The following ANKMY1 variants were observed in gnomAD, a reference collection of about 807,000 sequenced individuals.
The protein encoded by ANKMY1 is ankyrin repeat and MYND domain containing 1, also known as ankyrin repeat and MYND domain-containing protein 1.
A neutral mutation model predicts 102.0 loss-of-function variants in ANKMY1; 98 were observed. That is an observed-to-expected ratio of 0.96 (90% CI 0.82 to 1.14). The LOEUF is 1.14. ANKMY1 is among the 50% of genes most tolerant of loss of function. ANKMY1 has a pLI of 0.00. For synonymous variants in ANKMY1, 582 were observed against 559.9 expected (o/e 1.04, Z -0.56); for missense variants, 1,330 against 1,347.6 (o/e 0.99, Z 0.20).
intron 4 of ANKMY1, chr2:240,532,171 A>G (rs1195620746): frequency 1.1e-5 from 5 of 454,778 alleles, no homozygotes; most frequent in Admixed American, 7.6e-5. Flanking sequence ...ACCTCAAAGC[A>G]GCCAAAGAAG....
At position 240,507,820 on chromosome 2, in the gene ANKMY1, C is replaced by T. The variant is rs184571467; in HGVS notation, c.2395-129G>A. 267 of 1,173,864 alleles carry T rather than the reference C, an allele frequency of 2.3e-4. 1 individual carries two copies. In the African/African-American group the frequency reaches 3.9e-3, roughly 17 times the overall value. 72.7% of individuals were successfully genotyped at this position (1,173,864 alleles called of 1,614,324 possible). A position where few individuals can be genotyped will look rare whatever the true frequency, so the allele number is the denominator to read the frequency against. On this transcript the variant is annotated intron_variant, in intron 12 of 17. Coordinates refer to ENST00000401804, the MANE Select transcript of ANKMY1 (RefSeq NM_001282771.3). The stretch of plus-strand genomic sequence containing the variant: ...GGGGCTTCACGGAGGCCACCGCTGG[C>T]CCTTCCCACGGATCCTACCCACAGT...
At position 240,524,183 on chromosome 2, in the gene ANKMY1, AC is replaced by A; in HGVS notation, c.1533del (p.Ser512ProfsTer2). 6.2e-7 allele frequency: 1 copy of A among 1,613,330 alleles called. No individual in the cohort carries two copies. ...AGAGAGCTGCTCCTGTGGTCTATGGACCCCCCACACTGCCCGGTGTCCTGGA... is the reference window on the plus strand; with the variant it reads ...AGAGAGCTGCTCCTGTGGTCTATGGACCCCCACACTGCCCGGTGTCCTGGA... ...GHFQDTGQCG[G>X]SIDHRSSSLK... On this transcript the variant is annotated frameshift_variant, in exon 8 of 18. Coordinates refer to ENST00000401804, the MANE Select transcript of ANKMY1 (RefSeq NM_001282771.3). LOFTEE classifies it high-confidence loss of function.
chr2:240,471,998 C>T, the ANKMY1 span, among the ~76,000 whole-genome samples: 1 of 152,096 alleles, frequency 6.6e-6, no homozygotes, highest in African/African-American at 2.4e-5. Flanking sequence ...CCCGAAATAG[C>T]CCTGTAAGTC....
Position 240,499,992 on chromosome 2 carries a change from C to T in ANKMY1, c.2772G>A (p.Gln924=), listed in dbSNP as rs183074086. 13 of 1,612,988 alleles carry T rather than the reference C, an allele frequency of 8.1e-6. No individual in the cohort carries two copies. The Admixed American group carries it at 1.8e-4, about 23-fold the overall frequency. The change falls in exon 15 of 18, where the codon CAG becomes CAA. Residue 924 remains glutamine (Q), a synonymous_variant. Coordinates refer to ENST00000401804, the MANE Select transcript of ANKMY1 (RefSeq NM_001282771.3). The surrounding 1 kb of genome is among the most constrained non-coding windows in gnomAD (Gnocchi z 4.2). ...LRQAVFAKES[Q]WDPTWLYLCK... is the part of the protein sequence containing the mutation. ...ACAGGTACAGCCACGTGGGGTCCCA[C>T]TGGCTCTCCTTGGCAAAGACAGCCT...
At chr2:240,501,464 G>A (rs1184385251) in intron 13 of ANKMY1, among the ~76,000 whole-genome samples, 1 of 152,152 alleles carries the variant, frequency 6.6e-6, no homozygotes, top group Admixed American at 6.5e-5. Context: ...TTCTATCAGG[G>A]GGCCTGGCAG....
intron 9 of ANKMY1, 106 bp from the exon 10 acceptor site, chr2:240,513,048 G>A: frequency 6.9e-7 from 1 of 1,447,468 alleles, no homozygotes. Flanking sequence ...AGACTCCAAG[G>A]GCACCATTCT....
At chr2:240,545,890 T>C (rs1474718808) in intron 4 of ANKMY1, among the ~76,000 whole-genome samples, 1 of 152,258 alleles carries the variant, frequency 6.6e-6, no homozygotes, top group African/African-American at 2.4e-5. Context: ...CTGATTGGTA[T>C]ACCTGAAAGT....
intron 12 of ANKMY1, among the ~76,000 whole-genome samples, chr2:240,508,641 C>T (rs767909995): frequency 2.0e-5 from 3 of 152,208 alleles, no homozygotes; most frequent in Non-Finnish European, 2.9e-5. Context: ...CCTGGCTCCT[C>T]CAACGAGAAT....
intron 4 of ANKMY1, among the ~76,000 whole-genome samples, chr2:240,532,726 T>C (rs572398050): frequency 6.6e-6 from 1 of 152,294 alleles, no homozygotes; most frequent in South Asian, 2.1e-4. Flanking sequence ...ATCACCACCA[T>C]GAAGGCCACA....
At chr2:240,552,790 A>G (rs1425894931) in intron 4 of ANKMY1, 124 bp downstream of exon 4, 13 of 1,464,650 alleles carry the variant, frequency 8.9e-6, no homozygotes, top group African/African-American at 1.4e-5. Flanking sequence ...TTAATCATTA[A>G]AAGTAAAAAA....
chr2:240,471,405 T>C, the ANKMY1 span, among the ~76,000 whole-genome samples: 1 of 150,646 alleles, frequency 6.6e-6, no homozygotes, highest in Admixed American at 6.6e-5. Context: ...ATTACAAGAT[T>C]CTTTAAAATT....
Position 240,506,037 on chromosome 2 carries a change from G to C in ANKMY1, c.2526+1523C>G, listed in dbSNP as rs951225379. 3.3e-5 allele frequency among the ~76,000 whole-genome samples: 5 copies of C among 152,260 alleles called. No homozygotes were observed. The highest frequency in any genetic ancestry group is 1.2e-4 in the African/African-American group (5 of 41,558). On this transcript the variant is annotated intron_variant, in intron 13 of 17. Coordinates refer to ENST00000401804, the MANE Select transcript of ANKMY1 (RefSeq NM_001282771.3). This position sits in a 1 kb window ranked among gnomAD's most constrained non-coding sequence, Gnocchi z 4.9. ...TTCCCTAACCCCGGATGAGGCACCG[G>C]GGAGCCTCCTAACCCCGGACAAGAT...
chr2:240,557,373 G>A (rs1038552428), intron 1 of ANKMY1, 21 bp from the exon 2 acceptor site: 6 of 1,448,544 alleles, frequency 4.1e-6, no homozygotes, highest in Non-Finnish European at 5.5e-6. Context: ...CGTCAGGACC[G>A]CACATGTGCC....
In ANKMY1 at chr2:240,500,539, G is replaced by A. The variant is rs140796181; in HGVS notation, c.2553C>T (p.Ala851=). ...ALIDRLISHG[A]DILKPVMLRQ... is the part of the protein sequence containing the mutation. ...TGAGCATTACAGGCTTCAGGATGTC[G>A]GCCCCGTGACTGATGAGTCGGTCAA... is the stretch of plus-strand genomic sequence containing the variant. The change falls in exon 14 of 18, where the codon GCC becomes GCT. Residue 851 remains alanine (A), a synonymous_variant. Transcript: ENST00000401804. 7.9e-4 allele frequency: 1,273 copies of A among 1,614,090 alleles called. 12 individuals carry two copies. The African/African-American group carries it at 0.012, about 15-fold the overall frequency.
chr2:240,482,381 G>A (rs2075514563), intron 15 of ANKMY1, 120 bp from the exon 16 acceptor site: 2 of 849,104 alleles, frequency 2.4e-6, no homozygotes, highest in Admixed American at 3.1e-5. Context: ...AGGCGGATAG[G>A]GGGAAGCAAG....
intron 8 of ANKMY1, chr2:240,522,033 A>T (rs542632059): frequency 6.6e-6 from 1 of 152,314 alleles, no homozygotes; most frequent in East Asian, 1.9e-4. Flanking sequence ...GCTGGTGGGG[A>T]GCCTGGCGGT....
rs1431802997 is a variant in ANKMY1, at chr2:240,506,231, C to T, written c.2526+1329G>A. Among the ~76,000 whole-genome samples the T allele has an allele frequency of 6.6e-6, 1 of 152,220 alleles. No homozygotes were observed. The highest frequency in any genetic ancestry group is 2.4e-5 in the African/African-American group (1 of 41,454). On this transcript the variant is annotated intron_variant, in intron 13 of 17. Coordinates refer to ENST00000401804, the MANE Select transcript of ANKMY1 (RefSeq NM_001282771.3). This position sits in a 1 kb window ranked among gnomAD's most constrained non-coding sequence, Gnocchi z 4.9. ...CAGCGTCCACACACAACAACGCTGCCCCCTGAGCTGCCTCTCCCGTCTCGC... is the reference window on the plus strand; with the variant it reads ...CAGCGTCCACACACAACAACGCTGCTCCCTGAGCTGCCTCTCCCGTCTCGC...
At position 240,509,372 on chromosome 2, in the gene ANKMY1, C is replaced by T; in HGVS notation, c.2370G>A (p.Leu790=). The stretch of plus-strand genomic sequence containing the variant: ...CCAGCTCATTCCCACTGGCAATGGA[C>T]AGGGAGAGCGGGGAGTGGCCACTCC... ...LLWSGHSPLS[L]SIASGNELVV... is the part of the protein sequence containing the mutation. Residue 790 remains leucine (L), a synonymous_variant, in exon 12 of 18, where the codon CTG becomes CTA. Transcript: ENST00000401804. The T allele has an allele frequency of 6.2e-7, 1 of 1,613,504 alleles. No individual in the cohort carries two copies. The highest frequency in any genetic ancestry group is 8.5e-7 in the Non-Finnish European group (1 of 1,179,722).
chr2:240,557,947 G>GCCCGCGCTCCCGT lies in ANKMY1; in HGVS notation c.-97_-85dup. 2 of 985,618 alleles carry GCCCGCGCTCCCGT rather than the reference G, an allele frequency of 2.0e-6. No individual in the cohort carries two copies. The highest frequency in any genetic ancestry group is 2.4e-6 in the Non-Finnish European group (2 of 830,066). The allele number at this position is 985,618 out of a possible 1,614,324, so 61.1% of individuals were successfully genotyped here. On this transcript the variant is annotated 5_prime_UTR_variant, in exon 1 of 18. Coordinates refer to ENST00000401804, the MANE Select transcript of ANKMY1 (RefSeq NM_001282771.3). ...CGACGGGACTGCAGCCACCGCGGAC[G>GCCCGCGCTCCCGT]CCCGCGCTCCCGTCCCGACTGCTTG...
Sources: allele counts gnomAD v4.1 joint callset (sites outside exome capture counted in the v4.1 genomes callset), GRCh38; gene constraint gnomAD v4.1.1; non-coding constraint Gnocchi (gnomAD v3.1); transcripts MANE v1.5; gene names NCBI Gene and HGNC (gene_info 2026-07-23, HGNC 2026-07-21).